The following CNTNAP2 variants were observed in gnomAD, a reference collection of about 807,000 sequenced individuals.
The protein encoded by CNTNAP2 is contactin associated protein 2, also known as contactin-associated protein-like 2.
A neutral mutation model predicts 155.2 loss-of-function variants in CNTNAP2; 98 were observed. The observed-to-expected ratio is 0.63, with a 90% CI of 0.54 to 0.75. The LOEUF (loss-of-function observed/expected upper bound fraction) is 0.75, where lower values mean the gene tolerates loss of function less well. Among genes scored for constraint, CNTNAP2 ranks in the 30% least tolerant of loss-of-function variants. The probability of loss-of-function intolerance (pLI) is 0.00; values close to 1 mark genes in which losing one functional copy is unlikely to be tolerated. For missense variants in CNTNAP2, 1,727 were observed against 1,688.1 expected, an observed-to-expected ratio of 1.02 and a Z score of -0.40; for synonymous variants, 651 against 631.2, an observed-to-expected ratio of 1.03 and a Z score of -0.47.
chr7:147,741,790 C>T (rs1172134237), intron 13 of CNTNAP2, among the ~76,000 whole-genome samples: 1 of 152,168 alleles, frequency 6.6e-6, no homozygotes, highest in Non-Finnish European at 1.5e-5. Context: ...CCTTTGTGCT[C>T]CTCATAACAT....
intron 15 of CNTNAP2, among the ~76,000 whole-genome samples, chr7:148,036,082 A>G (rs1311183955): frequency 6.6e-6 from 1 of 152,234 alleles, no homozygotes; most frequent in African/African-American, 2.4e-5. Context: ...TAACTTGTTT[A>G]ACTTCACAGG....
chr7:146,888,824 T>C (rs1165574763), intron 3 of CNTNAP2, among the ~76,000 whole-genome samples: 1 of 151,918 alleles, frequency 6.6e-6, no homozygotes. Flanking sequence ...AGAAGAGTGG[T>C]TGCCAGGGGA....
chr7:146,784,820 T>C (rs1023619602), intron 2 of CNTNAP2, among the ~76,000 whole-genome samples: 7 of 152,168 alleles, frequency 4.6e-5, no homozygotes, highest in Admixed American at 1.3e-4. Flanking sequence ...TGCGTAGATA[T>C]CGTTTCTATG....
intron 9 of CNTNAP2, among the ~76,000 whole-genome samples, chr7:147,343,673 G>T (rs761794958): frequency 6.6e-6 from 1 of 152,024 alleles, no homozygotes; most frequent in Admixed American, 6.6e-5. Context: ...CACTCAGTGC[G>T]GCAATGATAA....
At chr7:147,287,289 G>A (rs1805202041) in intron 8 of CNTNAP2, among the ~76,000 whole-genome samples, 1 of 152,058 alleles carries the variant, frequency 6.6e-6, no homozygotes, top group South Asian at 2.1e-4. Context: ...CCGGGAGATG[G>A]CGAAGGATGA....
chr7:146,246,529 G>A (rs1089602), intron 1 of CNTNAP2, among the ~76,000 whole-genome samples: 137,857 of 149,110 alleles, frequency 0.92, 63,832 homozygotes, highest in East Asian at 1. Flanking sequence ...ATGTGGAGTG[G>A]GTAGCCTCAG....
intron 1 of CNTNAP2, among the ~76,000 whole-genome samples, chr7:146,383,721 C>T (rs180763338): frequency 0.012 from 1,826 of 152,086 alleles, 21 homozygotes; most frequent in South Asian, 0.023. Context: ...ATTTTGATTT[C>T]CTTTGATAAA....
At chr7:147,113,988 C>T (rs1240198565) in intron 5 of CNTNAP2, among the ~76,000 whole-genome samples, 1 of 152,050 alleles carries the variant, frequency 6.6e-6, no homozygotes, top group South Asian at 2.1e-4. Context: ...GCTTTAACTG[C>T]ATCCCAGAGA....
At chr7:147,571,563 T>C (rs938905185) in intron 12 of CNTNAP2, among the ~76,000 whole-genome samples, 4 of 152,062 alleles carry the variant, frequency 2.6e-5, no homozygotes, top group African/African-American at 9.7e-5. Context: ...AAAATCTTGT[T>C]TGAATATGCA....
intron 15 of CNTNAP2, among the ~76,000 whole-genome samples, chr7:148,105,627 G>C (rs1008734338): frequency 1.3e-4 from 19 of 149,796 alleles, no homozygotes; most frequent in African/African-American, 4.7e-4. Context: ...TTGCTCTGTT[G>C]CCCAGGCTGG....
chr7:148,057,308 A>G (rs1803037135), intron 15 of CNTNAP2, among the ~76,000 whole-genome samples: 2 of 152,162 alleles, frequency 1.3e-5, no homozygotes, highest in South Asian at 4.1e-4. Flanking sequence ...CTCCATGAGG[A>G]TCAATCGCTC....
rs574717266 is a variant in CNTNAP2, at chr7:148,228,552, G to A, written c.3248-1094G>A. 9.8e-4 allele frequency among the ~76,000 whole-genome samples: 149 copies of A among 152,102 alleles called. 4 individuals are homozygous for A. The highest frequency in any genetic ancestry group is 1.9e-4 in the Non-Finnish European group (13 of 68,014). ...TTAAGAACTATGTTTGGCCAGGAGC[G>A]TCGGCTCACGCCTGTAATCCCAGCA... On this transcript the variant is annotated intron_variant, in intron 19 of 23. Coordinates refer to ENST00000361727, the MANE Select transcript of CNTNAP2 (RefSeq NM_014141.6).
intron 1 of CNTNAP2, among the ~76,000 whole-genome samples, chr7:146,195,939 G>T (rs1798768978): frequency 6.6e-6 from 1 of 152,172 alleles, no homozygotes; most frequent in Non-Finnish European, 1.5e-5. Context: ...TCATGATGGT[G>T]TGAATCTCAT....
chr7:146,176,165 T>G (rs1798466978), intron 1 of CNTNAP2, among the ~76,000 whole-genome samples: 1 of 152,210 alleles, frequency 6.6e-6, no homozygotes, highest in Non-Finnish European at 1.5e-5. Flanking sequence ...AATAATGAAT[T>G]GATCCTCATA....
In CNTNAP2 at chr7:146,247,805, GAGA is replaced by G. The variant is rs543603438; in HGVS notation, c.97+130838_97+130840del. 5.2e-3 allele frequency among the ~76,000 whole-genome samples: 799 copies of G among 152,260 alleles called. 5 individuals carry two copies. The highest frequency in any genetic ancestry group is 0.018 in the African/African-American group (763 of 41,562). ...AAGTTCTTAATAACACAGGCTAAAG[GAGA>G]AGAAGGAGGAATGGAGGGTGGATGG... On this transcript the variant is annotated intron_variant, in intron 1 of 23. Coordinates refer to ENST00000361727, the MANE Select transcript of CNTNAP2 (RefSeq NM_014141.6).
chr7:147,427,456 C>A (rs11773683), intron 10 of CNTNAP2, among the ~76,000 whole-genome samples: 35,083 of 151,940 alleles, frequency 0.23, 4,217 homozygotes, highest in Non-Finnish European at 0.25. Flanking sequence ...ACAGAGGCAA[C>A]GGTGACTGAG....
chr7:147,767,557 T>A (rs1797401374), intron 13 of CNTNAP2, among the ~76,000 whole-genome samples: 1 of 152,132 alleles, frequency 6.6e-6, no homozygotes, highest in African/African-American at 2.4e-5. Flanking sequence ...TGCTTATTAT[T>A]ACTGCCACTA....
At chr7:146,986,565 T>C (rs1224292459) in intron 3 of CNTNAP2, among the ~76,000 whole-genome samples, 1 of 152,200 alleles carries the variant, frequency 6.6e-6, no homozygotes. Context: ...TTTTAATTAT[T>C]CAAGGAATCT....
At chr7:146,851,288 T>C (rs1481729859) in intron 3 of CNTNAP2, among the ~76,000 whole-genome samples, 1 of 152,152 alleles carries the variant, frequency 6.6e-6, no homozygotes, top group Non-Finnish European at 1.5e-5. Flanking sequence ...CCTGGGCTTT[T>C]TTCTAATTTT....
Sources: allele counts gnomAD v4.1 joint callset (sites outside exome capture counted in the v4.1 genomes callset), GRCh38; gene constraint gnomAD v4.1.1; transcripts MANE v1.5; gene names NCBI Gene and HGNC (gene_info 2026-07-23, HGNC 2026-07-21).